Variants in DOCK2 observed in about 807,000 individuals in gnomAD.
DOCK2 encodes the protein dedicator of cytokinesis protein 2.
Under a neutral mutation model 248.9 loss-of-function variants are expected in DOCK2, and 87 were observed. The ratio of observed to expected loss-of-function variants is 0.35; its 90% CI spans 0.29 to 0.42. The LOEUF (loss-of-function observed/expected upper bound fraction) is 0.42, where lower values mean the gene tolerates loss of function less well. DOCK2 is among the 10% of genes least tolerant of loss of function. The pLI, the probability that DOCK2 is intolerant of heterozygous loss-of-function variation, is 1.00. For missense variants in DOCK2, 1,747 were observed against 2,300.2 expected (o/e 0.76, Z 4.92); for synonymous variants, 805 against 821.6 (o/e 0.98, Z 0.35).
chr5:170,042,207 A>T, intron 38 of DOCK2, 75 bp downstream of exon 38: 1 of 1,478,346 alleles, frequency 6.8e-7, no homozygotes, highest in East Asian at 2.5e-5. Flanking sequence ...CCTTACATCC[A>T]ATCCATCCTC....
chr5:169,800,192 T>G, intron 25 of DOCK2, among the ~76,000 whole-genome samples: 1 of 152,364 alleles, frequency 6.6e-6, no homozygotes, highest in Non-Finnish European at 1.5e-5. Context: ...CAAAGCAGAA[T>G]CAAAATTTTT....
At chr5:169,679,707 G>A (rs1457939639) in intron 6 of DOCK2, among the ~76,000 whole-genome samples, 2 of 152,182 alleles carry the variant, frequency 1.3e-5, no homozygotes, top group African/African-American at 4.8e-5. Context: ...TAGCATTGCC[G>A]TTGGGCAGCA....
chr5:169,759,571 C>T lies in DOCK2; in HGVS notation c.2377-134C>T, dbSNP rs374802350. 3.2e-5 allele frequency: 30 copies of T among 930,670 alleles called. No individual in the cohort carries two copies. The East Asian group carries it at 6.4e-4, about 20-fold the overall frequency. 57.7% of individuals were successfully genotyped at this position (930,670 alleles called of 1,614,324 possible). A position where few individuals can be genotyped will look rare whatever the true frequency, so the allele number is the denominator to read the frequency against. ...TTATGTTTTGATGTCCATACAGAGG[C>T]TTCCATCAATATTGTAATGTCCAGG... On this transcript the variant is annotated intron_variant, in intron 23 of 51. Transcript: ENST00000520908.
intron 33 of DOCK2, 114 bp from the exon 34 acceptor site, chr5:170,027,742 CCAGCACT>C: frequency 1.1e-6 from 1 of 896,334 alleles, no homozygotes; most frequent in East Asian, 2.7e-5. Context: ...TTCCCAGATC[CCAGCACT>C]CAACCTGGGA....
rs181836127 is a variant in DOCK2 at position 169,927,611 on chromosome 5, A to G, written c.2800-55457A>G. ...GTCCTGTGTGATCAGGAGGTAAAACATATAGGAAAAATTCTTGTTTTTTGA... is the reference window on the plus strand; with the variant it reads ...GTCCTGTGTGATCAGGAGGTAAAACGTATAGGAAAAATTCTTGTTTTTTGA... On this transcript the variant is annotated intron_variant, in intron 27 of 51. Coordinates refer to ENST00000520908, the MANE Select transcript of DOCK2 (RefSeq NM_004946.3). Among the ~76,000 whole-genome samples the G allele has an allele frequency of 1.8e-3, 270 of 152,340 alleles. 2 individuals carry two copies. The highest frequency in any genetic ancestry group is 3.5e-3 in the East Asian group (18 of 5,174).
chr5:169,637,432 A>G, intron 1 of DOCK2, 63 bp downstream of exon 1: 2 of 1,298,300 alleles, frequency 1.5e-6, no homozygotes, highest in Non-Finnish European at 2.0e-6. Flanking sequence ...CGCGAGCAGG[A>G]GGATGCTGCG....
chr5:170,036,023 T>A (rs1157387017), intron 35 of DOCK2, among the ~76,000 whole-genome samples: 2 of 152,202 alleles, frequency 1.3e-5, no homozygotes, highest in Non-Finnish European at 2.9e-5. Context: ...TTAAATGTTT[T>A]GGCGACAGAA....
chr5:169,810,093 T>A (rs1389756769), intron 26 of DOCK2, among the ~76,000 whole-genome samples: 1 of 152,144 alleles, frequency 6.6e-6, no homozygotes, highest in Admixed American at 6.5e-5. Context: ...GCCTGGCTCT[T>A]GAAGCTATCT....
intron 22 of DOCK2, among the ~76,000 whole-genome samples, chr5:169,726,375 T>G (rs1386703377): frequency 6.6e-6 from 1 of 152,216 alleles, no homozygotes; most frequent in Non-Finnish European, 1.5e-5. Context: ...CTTGTAAATT[T>G]GTTTAAGTTC....
At chr5:169,994,007 T>C (rs969320438) in intron 29 of DOCK2, among the ~76,000 whole-genome samples, 4 of 152,338 alleles carry the variant, frequency 2.6e-5, no homozygotes, top group African/African-American at 7.2e-5. Flanking sequence ...GTTTCCTTTT[T>C]TCCCCCCACT....
At chr5:169,958,112 G>A (rs766745862) in intron 27 of DOCK2, among the ~76,000 whole-genome samples, 5 of 152,232 alleles carry the variant, frequency 3.3e-5, no homozygotes, top group South Asian at 4.1e-4. Context: ...GAAACATGAC[G>A]TCCACATGCA....
intron 22 of DOCK2, among the ~76,000 whole-genome samples, chr5:169,738,363 G>A (rs1338595353): frequency 3.9e-5 from 6 of 152,158 alleles, no homozygotes; most frequent in African/African-American, 1.2e-4. Context: ...CAGGTGAAAG[G>A]AAATGGAGGC....
intron 2 of DOCK2, among the ~76,000 whole-genome samples, chr5:169,661,984 A>T (rs1758472912): frequency 6.6e-6 from 1 of 152,206 alleles, no homozygotes; most frequent in African/African-American, 2.4e-5. Flanking sequence ...TGCCTTGAAG[A>T]GGAATTGCTG....
At chr5:169,767,959 A>G (rs888453464) in intron 25 of DOCK2, among the ~76,000 whole-genome samples, 1 of 152,208 alleles carries the variant, frequency 6.6e-6, no homozygotes, top group African/African-American at 2.4e-5. Flanking sequence ...TCCAAATCTC[A>G]GTGGTTTGAT....
At chr5:169,881,422 C>G (rs1426214897) in intron 27 of DOCK2, 2 of 1,551,324 alleles carry the variant, frequency 1.3e-6, no homozygotes, top group Non-Finnish European at 1.7e-6. Flanking sequence ...GAGATCTTGG[C>G]CAGTTCGATA....
intron 23 of DOCK2, among the ~76,000 whole-genome samples, chr5:169,758,366 A>G (rs1764303938): frequency 6.6e-6 from 1 of 152,190 alleles, no homozygotes; most frequent in Admixed American, 6.5e-5. Flanking sequence ...TGGGGAGGAG[A>G]GATTGGGACC....
intron 27 of DOCK2, among the ~76,000 whole-genome samples, chr5:169,841,057 T>TAGTTGAGTGTACCAGCGCTA (rs1769932657): frequency 1.3e-5 from 2 of 152,184 alleles, no homozygotes; most frequent in Admixed American, 1.3e-4. Flanking sequence ...AGGACTTGTC[T>TAGTTGAGTGTACCAGCGCTA]AGTTGAGTGT....
intron 22 of DOCK2, among the ~76,000 whole-genome samples, chr5:169,721,268 A>G (rs1263997164): frequency 6.6e-6 from 1 of 152,204 alleles, no homozygotes; most frequent in African/African-American, 2.4e-5. Context: ...CACATCACTG[A>G]CATTTGGTCA....
At chr5:169,769,190 G>T (rs962852464) in intron 25 of DOCK2, among the ~76,000 whole-genome samples, 1 of 152,136 alleles carries the variant, frequency 6.6e-6, no homozygotes, top group Non-Finnish European at 1.5e-5. Flanking sequence ...TATGGCTCTA[G>T]ATTTAACCAG....
Sources: gnomAD v4.1 joint callset for allele counts (sites outside exome capture counted in the v4.1 genomes callset) on GRCh38, gnomAD v4.1.1 for gene constraint, MANE v1.5 for transcripts, NCBI Gene and HGNC (gene_info 2026-07-23, HGNC 2026-07-21) for gene names.